The following NEIL3 variants were observed in gnomAD, a reference collection of about 807,000 sequenced individuals.
The protein encoded by NEIL3 is endonuclease 8-like 3.
A neutral mutation model predicts 57.5 loss-of-function variants in NEIL3; 48 were observed. The observed-to-expected ratio is 0.83, with a 90% CI of 0.66 to 1.06. NEIL3 has a LOEUF of 1.06. NEIL3 is among the 50% of genes least tolerant of loss of function. The pLI is 0.00. For synonymous variants in NEIL3, 261 were observed against 253.2 expected (o/e 1.03, Z -0.29); for missense variants, 717 against 739.1 (o/e 0.97, Z 0.35).
chr4:177,346,765 G>T (rs1735228297), intron 6 of NEIL3, among the ~76,000 whole-genome samples: 1 of 152,116 alleles, frequency 6.6e-6, no homozygotes, highest in African/African-American at 2.4e-5. Context: ...TACTTTAAAA[G>T]GCTGAGAGGG....
At position 177,361,802 on chromosome 4, in the gene NEIL3, T is replaced by G. The variant is rs140496143; in HGVS notation, c.1636-487T>G. The stretch of plus-strand genomic sequence containing the variant: ...CAGGGTTTTTTTTGTTGTTGTTTGA[T>G]TTTTTTAGAGACAGGGTCTCCCTAT... On this transcript the variant is annotated intron_variant, in intron 9 of 9. Transcript: ENST00000264596. Among the ~76,000 whole-genome samples, 52 of 152,200 alleles carry G rather than the reference T, an allele frequency of 3.4e-4. 1 individual carries two copies. In the East Asian group the frequency reaches 9.3e-3, roughly 27 times the overall value.
intron 1 of NEIL3, among the ~76,000 whole-genome samples, chr4:177,317,298 T>C (rs181464721): frequency 2.0e-5 from 3 of 152,324 alleles, no homozygotes; most frequent in Non-Finnish European, 1.5e-5. Context: ...AGACGTGTAT[T>C]ACACCTTTAA....
At chr4:177,324,480 A>G (rs1734742184) in intron 2 of NEIL3, among the ~76,000 whole-genome samples, 1 of 152,148 alleles carries the variant, frequency 6.6e-6, no homozygotes, top group Non-Finnish European at 1.5e-5. Context: ...CTGCCCTGTA[A>G]AAATCCACAC....
intron 2 of NEIL3, among the ~76,000 whole-genome samples, chr4:177,326,840 C>A (rs745306699): frequency 1.3e-5 from 2 of 151,962 alleles, no homozygotes; most frequent in Non-Finnish European, 2.9e-5. Context: ...TCTAATTGTT[C>A]ATTTGCAGTG....
chr4:177,360,624 A>G lies in NEIL3; in HGVS notation c.1582A>G (p.Arg528Gly). 6.2e-7 allele frequency: 1 copy of G among 1,614,032 alleles called. No individual in the cohort carries two copies. The highest frequency in any genetic ancestry group is 1.1e-5 in the South Asian group (1 of 91,048). ...GGGGAAGGATGGGGAAAACAAGGGC[A>G]GGCAGTTTTATGCCTGTCCTCTACC... ...VVGKDGENKGRQFYACPLPRE... is the reference protein window; with the variant it reads ...VVGKDGENKGGQFYACPLPRE... Residue 528 changes from arginine to glycine, a missense_variant, in exon 9 of 10, where the codon AGG becomes GGG. By Grantham distance (125) the Arg-to-Gly change is moderately radical. Coordinates refer to ENST00000264596, the MANE Select transcript of NEIL3 (RefSeq NM_018248.3).
At chr4:177,343,301 G>C (rs1224465129) in intron 6 of NEIL3, 1 of 152,322 alleles carries the variant, frequency 6.6e-6, no homozygotes, top group African/African-American at 2.4e-5. Context: ...TGTCGGCACA[G>C]TGCTGTTGAT....
In NEIL3 at chr4:177,310,022, G is replaced by T. The variant is rs141063624; in HGVS notation, c.69G>T (p.Ala23=). The T allele has an allele frequency of 6.2e-7, 1 of 1,610,550 alleles. No homozygotes were observed. The highest frequency in any genetic ancestry group is 1.7e-5 in the Admixed American group (1 of 59,790). Residue 23 remains alanine (A), a synonymous_variant, in exon 1 of 10, where the codon GCG becomes GCT. Transcript: ENST00000264596. ...KIRARVLPGQ[A]VTGVRGSALR... is the part of the protein sequence containing the mutation. ...GCGCGCGGGTGCTCCCGGGCCAGGC[G>T]GTGACCGGCGTGCGGGGAAGCGCTC...
intron 2 of NEIL3, among the ~76,000 whole-genome samples, chr4:177,331,154 AAGTTG>A (rs1257695473): frequency 6.6e-6 from 1 of 152,220 alleles, no homozygotes; most frequent in Non-Finnish European, 1.5e-5. Context: ...TGTTTTAAAT[AAGTTG>A]AGTTGATAGT....
At chr4:177,357,473 C>A (rs1387095056) in intron 8 of NEIL3, among the ~76,000 whole-genome samples, 1 of 152,022 alleles carries the variant, frequency 6.6e-6, no homozygotes, top group Non-Finnish European at 1.5e-5. Flanking sequence ...AGATTGGACA[C>A]CCCTAAGTTA....
Position 177,329,733 on chromosome 4 carries a change from G to A in NEIL3, c.279-5955G>A, listed in dbSNP as rs1455960287. On this transcript the variant is annotated intron_variant, in intron 2 of 9. Coordinates refer to ENST00000264596, the MANE Select transcript of NEIL3 (RefSeq NM_018248.3). ...ACCACCTTGACCTAATTGACAAGTA[G>A]AGAACATTCCACCCAACAACACATG... is the stretch of plus-strand genomic sequence containing the variant. Among the ~76,000 whole-genome samples, 3 of 152,220 alleles carry A rather than the reference G, an allele frequency of 2.0e-5. No homozygotes were observed. The East Asian group carries it at 5.8e-4, about 29-fold the overall frequency.
intron 8 of NEIL3, among the ~76,000 whole-genome samples, chr4:177,355,510 T>A (rs1478710728): frequency 6.6e-6 from 1 of 152,254 alleles, no homozygotes; most frequent in Non-Finnish European, 1.5e-5. Flanking sequence ...TATTGTTTCA[T>A]TATTTTTTGT....
At chr4:177,345,328 C>A (rs1369399430) in intron 6 of NEIL3, among the ~76,000 whole-genome samples, 1 of 152,110 alleles carries the variant, frequency 6.6e-6, no homozygotes, top group Admixed American at 6.6e-5. Flanking sequence ...ACAGGGAGAA[C>A]ATTTGGAATG....
At chr4:177,312,838 T>C (rs1158677209) in intron 1 of NEIL3, among the ~76,000 whole-genome samples, 1 of 152,160 alleles carries the variant, frequency 6.6e-6, no homozygotes, top group Non-Finnish European at 1.5e-5. Context: ...TAATTTACTA[T>C]GGCTTCATTT....
Position 177,342,739 on chromosome 4 carries a change from T to TG in NEIL3, c.869+1099dup, listed in dbSNP as rs1328706001. ...AACGATAAAGCAAACAGTATTTAAT[T>TG]GGAAAAAAGGAGCATGGCCACAAAC... On this transcript the variant is annotated intron_variant, in intron 6 of 9. Coordinates refer to ENST00000264596, the MANE Select transcript of NEIL3 (RefSeq NM_018248.3). Among the ~76,000 whole-genome samples the TG allele has an allele frequency of 6.6e-5, 10 of 152,234 alleles. 1 individual carries two copies. The East Asian group carries it at 1.7e-3, about 26-fold the overall frequency.
intron 6 of NEIL3, among the ~76,000 whole-genome samples, chr4:177,345,492 T>C (rs1735200681): frequency 6.6e-6 from 1 of 151,548 alleles, no homozygotes; most frequent in Non-Finnish European, 1.5e-5. Context: ...TATTATACTT[T>C]AAGTTTTAGG....
At position 177,351,548 on chromosome 4, in the gene NEIL3, TG is replaced by T. The variant is rs1422920385; in HGVS notation, c.1039+1del. On this transcript the variant is annotated frameshift_variant and splice_region_variant, in exon 7 of 10. Transcript: ENST00000264596. LOFTEE classifies it high-confidence loss of function. ...CDACLTSRPI[D>X]SVLKSEENST... ...ATGCTTGCTTGACCTCAAGGCCTAT[TG>T]GTAAGACTGAATTTTGATTTTGAGT... The T allele has an allele frequency of 2.5e-6, 4 of 1,606,710 alleles. No individual in the cohort carries two copies. Among genetic ancestry groups the T allele is most frequent in the Admixed American group, 3.4e-5 (2 of 58,428 alleles).
chr4:177,358,191 G>A (rs66521171), intron 8 of NEIL3, among the ~76,000 whole-genome samples: 2 of 152,108 alleles, frequency 1.3e-5, no homozygotes, highest in African/African-American at 2.4e-5. Flanking sequence ...CAGGAGTAGG[G>A]GTGGATATGT....
chr4:177,365,558 A>G (rs761198261), downstream of NEIL3, among the ~76,000 whole-genome samples: 1 of 152,198 alleles, frequency 6.6e-6, no homozygotes, highest in African/African-American at 2.4e-5. Context: ...AAGAAAAAGA[A>G]AAAAAATTTA....
At chr4:177,319,986 G>T (rs1432756680) in intron 1 of NEIL3, among the ~76,000 whole-genome samples, 1 of 152,172 alleles carries the variant, frequency 6.6e-6, no homozygotes, top group East Asian at 1.9e-4. Context: ...TAAAATGTTA[G>T]TAAGAACTTA....
Sources: gnomAD v4.1 joint callset for allele counts (sites outside exome capture counted in the v4.1 genomes callset) on GRCh38, gnomAD v4.1.1 for gene constraint, MANE v1.5 for transcripts, NCBI Gene and HGNC (gene_info 2026-07-23, HGNC 2026-07-21) for gene names.